PDE4D: variants seen among roughly 807,000 people sequenced by gnomAD.
PDE4D encodes the protein 3',5'-cyclic-AMP phosphodiesterase 4D.
Under a neutral mutation model 87.4 loss-of-function variants are expected in PDE4D, and 24 were observed. The ratio of observed to expected loss-of-function variants is 0.27; its 90% CI spans 0.20 to 0.39. PDE4D has a LOEUF of 0.39. PDE4D is among the 10% of genes least tolerant of loss of function. The pLI is 1.00. For missense variants in PDE4D, 714 were observed against 1,041.0 expected (o/e 0.69, Z 4.32); for synonymous variants, 384 against 383.2 (o/e 1.00, Z -0.02).
intron 2 of PDE4D, among the ~76,000 whole-genome samples, chr5:59,197,127 A>G (rs1412652850): frequency 6.6e-6 from 1 of 152,052 alleles, no homozygotes; most frequent in Non-Finnish European, 1.5e-5. Context: ...AAATGAATCC[A>G]TGGAAATATG....
At chr5:60,337,569 C>G (rs1757923658) in intron 1 of PDE4D, among the ~76,000 whole-genome samples, 2 of 151,570 alleles carry the variant, frequency 1.3e-5, no homozygotes, top group South Asian at 4.2e-4. Flanking sequence ...ACTTATAGAA[C>G]TCTACAATAA....
intron 1 of PDE4D, among the ~76,000 whole-genome samples, chr5:59,677,453 C>A (rs750568401): frequency 6.6e-6 from 1 of 152,128 alleles, no homozygotes; most frequent in African/African-American, 2.4e-5. Context: ...CCAACCTGAA[C>A]CATCTAGGGC....
chr5:59,561,501 C>T (rs1394698067), intron 1 of PDE4D, among the ~76,000 whole-genome samples: 3 of 152,078 alleles, frequency 2.0e-5, no homozygotes, highest in Non-Finnish European at 4.4e-5. Flanking sequence ...CAGCGTTTTG[C>T]TTATGGATTT....
intron 2 of PDE4D, among the ~76,000 whole-genome samples, chr5:60,007,715 C>T (rs1468609076): frequency 6.6e-6 from 1 of 151,990 alleles, no homozygotes; most frequent in Non-Finnish European, 1.5e-5. Context: ...TCATGACCCT[C>T]TACTTATATT....
intron 1 of PDE4D, among the ~76,000 whole-genome samples, chr5:60,426,625 A>C (rs113079331): frequency 0.027 from 4,158 of 152,280 alleles, 92 homozygotes; most frequent in Middle Eastern, 0.078. Context: ...GCACATGTAT[A>C]CATATGTAAC....
intron 1 of PDE4D, among the ~76,000 whole-genome samples, chr5:59,268,642 T>C (rs1763259813): frequency 6.6e-6 from 1 of 152,110 alleles, no homozygotes; most frequent in Non-Finnish European, 1.5e-5. Context: ...CAAGAAAATC[T>C]ATATTGATTT....
intron 5 of PDE4D, among the ~76,000 whole-genome samples, chr5:59,046,158 C>G (rs578105895): frequency 1.3e-5 from 2 of 152,218 alleles, no homozygotes; most frequent in East Asian, 3.9e-4. Context: ...TTCGATAAAG[C>G]TATTTATGAC....
chr5:60,061,144 T>C (rs956298465), intron 2 of PDE4D, among the ~76,000 whole-genome samples: 3 of 152,106 alleles, frequency 2.0e-5, no homozygotes, highest in Admixed American at 1.3e-4. Flanking sequence ...TCAAATTGTC[T>C]CTGTTTGCAG....
At chr5:59,973,412 C>A (rs1378460604) in intron 3 of PDE4D, among the ~76,000 whole-genome samples, 1 of 152,152 alleles carries the variant, frequency 6.6e-6, no homozygotes, top group African/African-American at 2.4e-5. Flanking sequence ...CTCCTCAAAA[C>A]ATTCTAAATA....
chr5:59,096,101 G>A (rs1177900345), intron 5 of PDE4D, among the ~76,000 whole-genome samples: 1 of 152,118 alleles, frequency 6.6e-6, no homozygotes, highest in Non-Finnish European at 1.5e-5. Flanking sequence ...TTAGTGGTAG[G>A]GGCACCTACA....
intron 1 of PDE4D, among the ~76,000 whole-genome samples, chr5:59,271,947 C>A (rs1763916182): frequency 1.3e-5 from 2 of 151,616 alleles, no homozygotes; most frequent in South Asian, 4.2e-4. Context: ...TAACCACTAC[C>A]AAAAGCTTGG....
intron 3 of PDE4D, among the ~76,000 whole-genome samples, chr5:59,191,630 A>G (rs979278621): frequency 2.0e-5 from 3 of 151,612 alleles, no homozygotes; most frequent in Non-Finnish European, 2.9e-5. Context: ...GTGCAGTGGC[A>G]TGATCTTGGC....
intron 6 of PDE4D, among the ~76,000 whole-genome samples, chr5:58,998,419 C>G (rs891014416): frequency 2.0e-5 from 3 of 152,054 alleles, no homozygotes; most frequent in Non-Finnish European, 4.4e-5. Context: ...ACTCTCTATA[C>G]TTTTCTGCAT....
chr5:60,075,516 G>A (rs538831917), intron 2 of PDE4D, among the ~76,000 whole-genome samples: 2 of 152,160 alleles, frequency 1.3e-5, no homozygotes, highest in East Asian at 3.9e-4. Flanking sequence ...AGTCTCTTAT[G>A]GGGGTTCTCT....
chr5:59,580,417 T>C (rs948769787), intron 1 of PDE4D, among the ~76,000 whole-genome samples: 2 of 151,792 alleles, frequency 1.3e-5, no homozygotes, highest in South Asian at 4.2e-4. Flanking sequence ...ATGAAGTATA[T>C]GATAGTTATA....
At chr5:59,759,898 G>A (rs1371117787) in intron 1 of PDE4D, among the ~76,000 whole-genome samples, 1 of 152,186 alleles carries the variant, frequency 6.6e-6, no homozygotes, top group Non-Finnish European at 1.5e-5. Flanking sequence ...ATTACCATAA[G>A]AGACAGAGAA....
chr5:60,399,996 C>T (rs570755538), intron 1 of PDE4D, among the ~76,000 whole-genome samples: 1 of 152,320 alleles, frequency 6.6e-6, no homozygotes, highest in Admixed American at 6.5e-5. Flanking sequence ...TTGTGCTCAA[C>T]CAGAGTAACA....
At position 59,532,325 on chromosome 5, in the gene PDE4D, A is replaced by G. The variant is rs372193466; in HGVS notation, c.456-316357T>C. Reference sequence around the variant, plus strand: ...GCTAATTTCTGTATTTTTAGTAGAGATGGGTTTTCACCATGTTGGCCAGGC... The same window carrying G: ...GCTAATTTCTGTATTTTTAGTAGAGGTGGGTTTTCACCATGTTGGCCAGGC... On this transcript the variant is annotated intron_variant, in intron 1 of 14. Coordinates refer to ENST00000340635, the MANE Select transcript of PDE4D (RefSeq NM_001104631.2). Among the ~76,000 whole-genome samples, 411 of 152,130 alleles carry G rather than the reference A, an allele frequency of 2.7e-3. 9 individuals carry two copies. Among genetic ancestry groups the G allele is most frequent in the African/African-American group, 9.4e-3 (390 of 41,494 alleles).
At chr5:59,594,952 T>C (rs1475076657) in intron 1 of PDE4D, among the ~76,000 whole-genome samples, 1 of 152,078 alleles carries the variant, frequency 6.6e-6, no homozygotes, top group Non-Finnish European at 1.5e-5. Context: ...GGGATATTGA[T>C]AATGGGGTGG....
Sources: gnomAD v4.1 joint callset for allele counts (sites outside exome capture counted in the v4.1 genomes callset) on GRCh38, gnomAD v4.1.1 for gene constraint, MANE v1.5 for transcripts, NCBI Gene and HGNC (gene_info 2026-07-23, HGNC 2026-07-21) for gene names.